The following RORB variants were observed in gnomAD, a reference collection of about 807,000 sequenced individuals.
RORB encodes RAR related orphan receptor B.
A neutral mutation model predicts 59.1 loss-of-function variants in RORB; 6 were observed. The ratio of observed to expected loss-of-function variants is 0.10; its 90% CI spans 0.06 to 0.20. The LOEUF (loss-of-function observed/expected upper bound fraction) is 0.20. RORB is among the 10% of genes least tolerant of loss of function. RORB has a pLI of 1.00. For synonymous variants in RORB, 215 were observed against 204.5 expected (o/e 1.05, Z -0.44); for missense variants, 320 against 560.5 (o/e 0.57, Z 4.33).
At chr9:74,542,606 C>G in intron 1 of RORB, among the ~76,000 whole-genome samples, 1 of 152,150 alleles carries the variant, frequency 6.6e-6, no homozygotes, top group Non-Finnish European at 1.5e-5. Context: ...TAAGAAGATA[C>G]TCTGCAGTTT....
At chr9:74,667,721 G>A (rs1391572348) in intron 7 of RORB, 70 bp from the exon 8 acceptor site, 4 of 914,740 alleles carry the variant, frequency 4.4e-6, no homozygotes, top group Non-Finnish European at 7.3e-6. Context: ...TATTGATTAT[G>A]AGATTTTTCT....
At chr9:74,554,405 G>A (rs1037544127) in intron 1 of RORB, among the ~76,000 whole-genome samples, 4 of 151,976 alleles carry the variant, frequency 2.6e-5, no homozygotes, top group South Asian at 2.1e-4. Flanking sequence ...ATGCTTCACC[G>A]AAGCACCTGG....
intron 4 of RORB, among the ~76,000 whole-genome samples, chr9:74,649,557 G>A (rs1028444716): frequency 2.6e-5 from 4 of 152,074 alleles, no homozygotes; most frequent in South Asian, 4.1e-4. Context: ...AATCCCTAGG[G>A]TTATTTGAAT....
chr9:74,608,436 C>T (rs1218313364), intron 1 of RORB, among the ~76,000 whole-genome samples: 2 of 151,840 alleles, frequency 1.3e-5, no homozygotes, highest in Non-Finnish European at 2.9e-5. Context: ...TGGTGGCGGG[C>T]ACCTGTAGTC....
chr9:74,557,144 A>G (rs1005889863), intron 1 of RORB, among the ~76,000 whole-genome samples: 1 of 152,152 alleles, frequency 6.6e-6, no homozygotes, highest in Non-Finnish European at 1.5e-5. Context: ...ATCAGATTGA[A>G]TCAGTCTAAA....
chr9:74,509,851 A>G (rs1825912460), intron 1 of RORB, among the ~76,000 whole-genome samples: 1 of 152,136 alleles, frequency 6.6e-6, no homozygotes, highest in Non-Finnish European at 1.5e-5. Flanking sequence ...CATGCTGAGC[A>G]TTATAAAGAA....
At chr9:74,593,675 G>C (rs1379307870) in intron 1 of RORB, among the ~76,000 whole-genome samples, 1 of 152,088 alleles carries the variant, frequency 6.6e-6, no homozygotes, top group South Asian at 2.1e-4. Context: ...CCATAAGAAG[G>C]GGTGAATTGG....
chr9:74,552,103 T>C (rs755445333), intron 1 of RORB, among the ~76,000 whole-genome samples: 1 of 152,140 alleles, frequency 6.6e-6, no homozygotes, highest in Non-Finnish European at 1.5e-5. Context: ...TCTATAGGTC[T>C]CAAGGAGTGA....
intron 1 of RORB, among the ~76,000 whole-genome samples, chr9:74,577,804 A>G (rs1822661273): frequency 6.6e-6 from 1 of 152,128 alleles, no homozygotes; most frequent in Non-Finnish European, 1.5e-5. Context: ...GAAAACCTGT[A>G]TAAAATGCCT....
chr9:74,667,983 G>C, intron 8 of RORB, 82 bp downstream of exon 8: 1 of 818,484 alleles, frequency 1.2e-6, no homozygotes. Flanking sequence ...CTAAGCCAAA[G>C]TGTTCAGGAG....
At chr9:74,565,480 C>T (rs1390370207) in intron 1 of RORB, among the ~76,000 whole-genome samples, 1 of 152,010 alleles carries the variant, frequency 6.6e-6, no homozygotes, top group East Asian at 1.9e-4. Context: ...TTTTTGCTGG[C>T]AAATATCAGC....
chr9:74,600,715 A>T (rs928243669), intron 1 of RORB, among the ~76,000 whole-genome samples: 1 of 152,188 alleles, frequency 6.6e-6, no homozygotes, highest in Non-Finnish European at 1.5e-5. Context: ...ATATATTGAA[A>T]TTTTTTCTTG....
chr9:74,580,270 G>A (rs1822702373), intron 1 of RORB, among the ~76,000 whole-genome samples: 1 of 152,134 alleles, frequency 6.6e-6, no homozygotes, highest in African/African-American at 2.4e-5. Context: ...ATCAGCCAGT[G>A]TAAAATAAAC....
At chr9:74,580,634 T>C (rs1348162169) in intron 1 of RORB, among the ~76,000 whole-genome samples, 1 of 152,128 alleles carries the variant, frequency 6.6e-6, no homozygotes, top group African/African-American at 2.4e-5. Flanking sequence ...TGAAAGGAAT[T>C]AAGGCCATCA....
chr9:74,612,383 G>C (rs557116720), intron 1 of RORB, among the ~76,000 whole-genome samples: 4 of 152,166 alleles, frequency 2.6e-5, no homozygotes, highest in African/African-American at 9.7e-5. Context: ...GGTAGGCCAA[G>C]GAGGAGCTTG....
intron 1 of RORB, among the ~76,000 whole-genome samples, chr9:74,525,823 T>C (rs1224567211): frequency 6.6e-6 from 1 of 151,950 alleles, no homozygotes; most frequent in African/African-American, 2.4e-5. Context: ...TAAATGAATC[T>C]TTTTTAAAGA....
At chr9:74,583,304 C>T (rs1004395487) in intron 1 of RORB, among the ~76,000 whole-genome samples, 7 of 152,044 alleles carry the variant, frequency 4.6e-5, no homozygotes, top group African/African-American at 1.7e-4. Flanking sequence ...TGCACATGCC[C>T]CCAAGCACCT....
In RORB at chr9:74,509,959, A is replaced by G. The variant is rs138463347; in HGVS notation, c.7+11976A>G. On this transcript the variant is annotated intron_variant, in intron 1 of 9. Transcript: ENST00000376896. ...ATTTGTTTTGCATTTTGGCTGAAAC[A>G]TAATATTCCTTACATCAAGCTATCA... 1.9e-3 allele frequency among the ~76,000 whole-genome samples: 290 copies of G among 152,300 alleles called. 1 individual carries two copies. Among genetic ancestry groups the G allele is most frequent in the African/African-American group, 6.5e-3 (271 of 41,588 alleles).
chr9:74,623,070 C>A (rs983066011), intron 1 of RORB, among the ~76,000 whole-genome samples: 5 of 152,154 alleles, frequency 3.3e-5, no homozygotes. Context: ...CTGTGAATAG[C>A]CAAAATGAGT....
Sources: allele counts gnomAD v4.1 joint callset (sites outside exome capture counted in the v4.1 genomes callset), GRCh38; gene constraint gnomAD v4.1.1; transcripts MANE v1.5; gene names NCBI Gene and HGNC (gene_info 2026-07-23, HGNC 2026-07-21).